Variants in GPC5 observed in about 807,000 individuals in gnomAD.
GPC5 encodes the protein glypican-5.
Under a neutral mutation model 53.9 loss-of-function variants are expected in GPC5, and 47 were observed. That is an observed-to-expected ratio of 0.87 (90% confidence interval 0.69 to 1.11). GPC5 has a LOEUF of 1.11. Among genes scored for constraint, GPC5 ranks in the 50% most tolerant of loss-of-function variants. GPC5 has a pLI of 0.00. For synonymous variants in GPC5, 286 were observed against 263.3 expected, an observed-to-expected ratio of 1.09 and a Z score of -0.84; for missense variants, 748 against 713.1, an observed-to-expected ratio of 1.05 and a Z score of -0.56.
chr13:92,263,779 G>A (rs1355565186), intron 7 of GPC5, among the ~76,000 whole-genome samples: 2 of 151,810 alleles, frequency 1.3e-5, no homozygotes, highest in Non-Finnish European at 2.9e-5. Flanking sequence ...TTGTATTATC[G>A]GCCATATCAC....
intron 6 of GPC5, among the ~76,000 whole-genome samples, chr13:91,911,193 G>A (rs761371154): frequency 6.6e-6 from 1 of 152,110 alleles, no homozygotes; most frequent in African/African-American, 2.4e-5. Context: ...AGTCCAGTAG[G>A]CTCTGGTAAA....
chr13:92,754,709 A>G (rs971406436), intron 7 of GPC5, among the ~76,000 whole-genome samples: 12 of 151,732 alleles, frequency 7.9e-5, no homozygotes, highest in Non-Finnish European at 1.6e-4. Flanking sequence ...ATTTTAAACC[A>G]ACAAAGATCA....
intron 7 of GPC5, among the ~76,000 whole-genome samples, chr13:92,721,012 A>G (rs1020581949): frequency 3.3e-5 from 5 of 152,040 alleles, no homozygotes; most frequent in African/African-American, 9.7e-5. Flanking sequence ...AGCACACTCT[A>G]TCTCCAGAGT....
chr13:92,227,294 G>A (rs9560987), intron 7 of GPC5, among the ~76,000 whole-genome samples: 35,390 of 152,022 alleles, frequency 0.23, 4,346 homozygotes, highest in African/African-American at 0.31. Context: ...GCCAGCCATT[G>A]AAAAACGCAA....
chr13:91,556,774 A>G (rs1009255115), intron 2 of GPC5, among the ~76,000 whole-genome samples: 1 of 151,956 alleles, frequency 6.6e-6, no homozygotes, highest in Non-Finnish European at 1.5e-5. Flanking sequence ...AGCTATGAGG[A>G]TGCAAAGGCA....
chr13:91,499,029 A>G (rs1266612929), intron 2 of GPC5, among the ~76,000 whole-genome samples: 1 of 151,998 alleles, frequency 6.6e-6, no homozygotes, highest in African/African-American at 2.4e-5. Flanking sequence ...ATGATTAGGG[A>G]TGGGGCTCAG....
At chr13:91,651,493 G>T (rs948722991) in intron 2 of GPC5, among the ~76,000 whole-genome samples, 3 of 152,154 alleles carry the variant, frequency 2.0e-5, no homozygotes, top group African/African-American at 7.2e-5. Flanking sequence ...GCCAAGGCAT[G>T]TGGATCACCT....
intron 2 of GPC5, among the ~76,000 whole-genome samples, chr13:91,538,955 C>T (rs920804937): frequency 2.6e-5 from 4 of 151,970 alleles, no homozygotes; most frequent in Non-Finnish European, 5.9e-5. Context: ...ACAACAAACC[C>T]AAGTATCCCT....
intron 2 of GPC5, among the ~76,000 whole-genome samples, chr13:91,669,568 ATAGT>A (rs142902316): frequency 0.027 from 4,098 of 152,268 alleles, 163 homozygotes; most frequent in African/African-American, 0.09. Context: ...AGCTAGGGAA[ATAGT>A]TAGTAGCACT....
chr13:91,476,777 G>C (rs1882953582), intron 2 of GPC5, among the ~76,000 whole-genome samples: 1 of 152,148 alleles, frequency 6.6e-6, no homozygotes. Context: ...AAGGAAGACA[G>C]GATGGGCCTC....
rs185204735 is a variant in GPC5 at position 92,642,364 on chromosome 13, T to C, written c.1562-223918T>C. ...TCCATCCTCACCTGTGACTCATCTT[T>C]GGATATAGCCTCCTCTTGGCGGTCT... On this transcript the variant is annotated intron_variant, in intron 7 of 7. Transcript: ENST00000377067. 7.3e-4 allele frequency among the ~76,000 whole-genome samples: 111 copies of C among 152,368 alleles called. 1 individual carries two copies. Among genetic ancestry groups the C allele is most frequent in the Non-Finnish European group, 5.4e-4 (37 of 68,044 alleles).
At chr13:92,184,485 C>T (rs2042170258) in intron 7 of GPC5, among the ~76,000 whole-genome samples, 1 of 152,106 alleles carries the variant, frequency 6.6e-6, no homozygotes. Context: ...TCTCCTGAGG[C>T]CCAAGCTTTT....
intron 7 of GPC5, among the ~76,000 whole-genome samples, chr13:92,579,854 C>A (rs1883319240): frequency 1.3e-5 from 2 of 152,122 alleles, no homozygotes; most frequent in South Asian, 2.1e-4. Context: ...CTCTCTCTTT[C>A]TTTATCATAA....
intron 7 of GPC5, among the ~76,000 whole-genome samples, chr13:92,731,488 TAAAC>T (rs1237685216): frequency 1.3e-5 from 2 of 151,248 alleles, no homozygotes; most frequent in Admixed American, 6.6e-5. Context: ...AAAAAGGAAA[TAAAC>T]AGATGGGGGA....
chr13:92,852,677 C>G (rs1005582160), intron 7 of GPC5, among the ~76,000 whole-genome samples: 1 of 152,100 alleles, frequency 6.6e-6, no homozygotes, highest in African/African-American at 2.4e-5. Flanking sequence ...CTCAAGTGAT[C>G]TTCCCACCTT....
chr13:92,347,466 A>T (rs2043422931), intron 7 of GPC5, among the ~76,000 whole-genome samples: 1 of 152,088 alleles, frequency 6.6e-6, no homozygotes, highest in Admixed American at 6.6e-5. Context: ...AGGAAGAAAT[A>T]GAAACTTTCC....
chr13:92,640,436 A>G (rs1207407488), intron 7 of GPC5, among the ~76,000 whole-genome samples: 1 of 151,752 alleles, frequency 6.6e-6, no homozygotes, highest in East Asian at 1.9e-4. Context: ...ATTTTTTTGT[A>G]TTTTTAGTAG....
At chr13:92,845,631 A>C (rs1420434670) in intron 7 of GPC5, among the ~76,000 whole-genome samples, 1 of 152,134 alleles carries the variant, frequency 6.6e-6, no homozygotes, top group Non-Finnish European at 1.5e-5. Context: ...ATACCTACCC[A>C]AAAACACTCA....
intron 5 of GPC5, among the ~76,000 whole-genome samples, chr13:91,792,017 G>A (rs972121245): frequency 2.6e-5 from 4 of 152,124 alleles, no homozygotes; most frequent in South Asian, 2.1e-4. Context: ...CTTTCATAAC[G>A]AATTCCATGC....
Sources: allele counts gnomAD v4.1 joint callset (sites outside exome capture counted in the v4.1 genomes callset), GRCh38; gene constraint gnomAD v4.1.1; transcripts MANE v1.5; gene names NCBI Gene and HGNC (gene_info 2026-07-23, HGNC 2026-07-21).